Variants in CACNA1B observed in about 807,000 individuals in gnomAD.
CACNA1B encodes voltage-dependent N-type calcium channel subunit alpha-1B.
A neutral mutation model predicts 247.2 loss-of-function variants in CACNA1B; 70 were observed. The observed-to-expected ratio is 0.28, with a 90% CI of 0.23 to 0.35. CACNA1B has a LOEUF of 0.35. Ranked by LOEUF, CACNA1B falls within the 10% of genes least tolerant of loss-of-function variation. CACNA1B has a pLI of 1.00. For synonymous variants in CACNA1B, 1,231 were observed against 1,294.4 expected (o/e 0.95, Z 1.05); for missense variants, 2,367 against 3,197.4 (o/e 0.74, Z 6.26).
At chr9:138,068,612 C>G (rs529047620) in intron 31 of CACNA1B, 2 of 518,898 alleles carry the variant, frequency 3.9e-6, no homozygotes, top group Non-Finnish European at 7.7e-6. Context: ...TCCTTGGAAA[C>G]AGAAATCTTT....
chr9:138,090,113 T>C (rs1351105542), intron 36 of CACNA1B, among the ~76,000 whole-genome samples: 2 of 152,050 alleles, frequency 1.3e-5, no homozygotes, highest in South Asian at 2.1e-4. Context: ...CAAAAGACCC[T>C]GGATAGCTTA....
intron 35 of CACNA1B, among the ~76,000 whole-genome samples, chr9:138,076,402 C>T (rs1960321232): frequency 6.6e-6 from 1 of 152,196 alleles, no homozygotes; most frequent in South Asian, 2.1e-4. Context: ...GCCCAAGGAA[C>T]CCAACTGACC....
At position 138,053,937 on chromosome 9, in the gene CACNA1B, C is replaced by T; in HGVS notation, c.3899C>T (p.Ala1300Val). 6.2e-7 allele frequency: 1 copy of T among 1,613,474 alleles called. No homozygotes were observed. The highest frequency in any genetic ancestry group is 8.5e-7 in the Non-Finnish European group (1 of 1,179,396). ...TTCATGTTCATATTTGCCGTCATTG[C>T]GGTGCAGCTCTTCAAAGGGAAGTTT... ...MLFMFIFAVIAVQLFKGKFFY... is the reference protein window; with the variant it reads ...MLFMFIFAVIVVQLFKGKFFY... The change falls in exon 26 of 47, where the codon GCG becomes GTG. Residue 1300 changes from alanine (A) to valine (V), a missense_variant. By Grantham distance (64) the Ala-to-Val change is moderately conservative. Around this residue, in one of 12 missense-constraint regions of CACNA1B, gnomAD observed 436 missense variants for 679.5 expected, o/e 0.64. Coordinates refer to ENST00000371372, the MANE Select transcript of CACNA1B (RefSeq NM_000718.4).
chr9:138,111,897 C>T (rs1229824867), intron 39 of CACNA1B, among the ~76,000 whole-genome samples: 1 of 152,014 alleles, frequency 6.6e-6, no homozygotes, highest in African/African-American at 2.4e-5. Flanking sequence ...CCCTTCCCCG[C>T]TCTGCTCTCC....
At chr9:138,080,683 A>G (rs1250104699) in intron 36 of CACNA1B, among the ~76,000 whole-genome samples, 1 of 152,216 alleles carries the variant, frequency 6.6e-6, no homozygotes, top group Non-Finnish European at 1.5e-5. Context: ...GGGAAACTTA[A>G]TAGATGATGT....
At chr9:137,936,613 G>T (rs1589018219) in intron 6 of CACNA1B, among the ~76,000 whole-genome samples, 1 of 152,174 alleles carries the variant, frequency 6.6e-6, no homozygotes, top group Non-Finnish European at 1.5e-5. Flanking sequence ...ATGGTTTTAA[G>T]TCTGACATTT....
intron 10 of CACNA1B, among the ~76,000 whole-genome samples, chr9:137,964,644 A>G (rs1320275281): frequency 6.6e-6 from 1 of 152,168 alleles, no homozygotes; most frequent in Non-Finnish European, 1.5e-5. Context: ...ACATGCTCTT[A>G]TAGCCTCATA....
rs1418645176 is a variant in CACNA1B, at chr9:137,986,875, A to G, written c.1974+21A>G. ...TCCAGGTAAGGCACCTGCTCTGCAC[A>G]TTTGCGGCCTGCCCGGCTCCCGTCT... On this transcript the variant is annotated intron_variant, in intron 15 of 46. Coordinates refer to ENST00000371372, the MANE Select transcript of CACNA1B (RefSeq NM_000718.4). The surrounding 1 kb of genome is among the most constrained non-coding windows in gnomAD (Gnocchi z 6.0). 5 of 1,592,868 alleles carry G rather than the reference A, an allele frequency of 3.1e-6. No homozygotes were observed. The highest frequency in any genetic ancestry group is 1.1e-5 in the South Asian group (1 of 90,542).
At chr9:138,026,085 G>T (rs575857377) in intron 20 of CACNA1B, among the ~76,000 whole-genome samples, 1 of 152,200 alleles carries the variant, frequency 6.6e-6, no homozygotes, top group South Asian at 2.1e-4. Flanking sequence ...CGCACACACA[G>T]ACGTGTGCGT....
At chr9:138,075,101 C>T (rs1336212143) in intron 34 of CACNA1B, among the ~76,000 whole-genome samples, 2 of 152,164 alleles carry the variant, frequency 1.3e-5, no homozygotes, top group Non-Finnish European at 2.9e-5. Context: ...AAGAGGGACC[C>T]GAGTGTTAAT....
chr9:138,021,568 T>A (rs1023547368), intron 18 of CACNA1B, among the ~76,000 whole-genome samples: 1 of 152,246 alleles, frequency 6.6e-6, no homozygotes, highest in African/African-American at 2.4e-5. Context: ...GGCCTGGGCC[T>A]CTGCAGGCCG....
intron 31 of CACNA1B, among the ~76,000 whole-genome samples, chr9:138,069,361 GAAATAA>G (rs1168895836): frequency 6.6e-6 from 1 of 152,080 alleles, no homozygotes; most frequent in African/African-American, 2.4e-5. Context: ...TCTTTGCCTG[GAAATAA>G]AAATAAATAA....
At chr9:137,892,477 G>C in intron 3 of CACNA1B, 1 of 400,504 alleles carries the variant, frequency 2.5e-6, no homozygotes. Context: ...GATGTCTGCA[G>C]AATCCGCCAT....
Position 137,917,024 on chromosome 9 carries a change from G to A in CACNA1B, c.776-217G>A, listed in dbSNP as rs544794771. 3.9e-5 allele frequency among the ~76,000 whole-genome samples: 6 copies of A among 152,114 alleles called. No individual in the cohort carries two copies. Among genetic ancestry groups the A allele is most frequent in the East Asian group, 1.9e-4 (1 of 5,168 alleles). On this transcript the variant is annotated intron_variant, in intron 5 of 46. Coordinates refer to ENST00000371372, the MANE Select transcript of CACNA1B (RefSeq NM_000718.4). This position sits in a 1 kb window ranked among gnomAD's most constrained non-coding sequence, Gnocchi z 5.5. ...TTCCAGTAGGAGGGAGAGGCCAGCC[G>A]TTACTCCCTGAGTTGGTCACTCGTG...
chr9:137,909,059 C>T (rs558714465), intron 3 of CACNA1B, among the ~76,000 whole-genome samples: 8 of 139,480 alleles, frequency 5.7e-5, no homozygotes, highest in Non-Finnish European at 9.4e-5. Flanking sequence ...GGTGCAATCT[C>T]GGCTCACTGC....
rs1336263054 is a variant in CACNA1B at position 137,882,397 on chromosome 9, C to A, written c.391-347C>A. 6.6e-6 allele frequency among the ~76,000 whole-genome samples: 1 copy of A among 152,222 alleles called. No individual in the cohort carries two copies. Among genetic ancestry groups the A allele is most frequent in the Non-Finnish European group, 1.5e-5 (1 of 68,040 alleles). ...TGTTACATCACTGTCTTCCCCGAAG[C>A]AAGGCCCACTGCATGGTGCTAGCAG... On this transcript the variant is annotated intron_variant, in intron 2 of 46. Transcript: ENST00000371372. This position sits in a 1 kb window ranked among gnomAD's most constrained non-coding sequence, Gnocchi z 4.0.
chr9:138,121,466 T>C lies in CACNA1B; in HGVS notation c.6490-3T>C. 1 of 1,500,758 alleles carries C rather than the reference T, an allele frequency of 6.7e-7. No homozygotes were observed. The highest frequency in any genetic ancestry group is 1.4e-5 in the African/African-American group (1 of 71,234). The allele number at this position is 1,500,758 out of a possible 1,614,324, so 93.0% of individuals were successfully genotyped here. A position where few individuals can be genotyped will look rare whatever the true frequency, so the allele number is the denominator to read the frequency against. ...TGATTTGTTCTGGTCCATTTTCATGTAGGGCAGTGGTTCCGTGAATGGGAG... is the reference window on the plus strand; with the variant it reads ...TGATTTGTTCTGGTCCATTTTCATGCAGGGCAGTGGTTCCGTGAATGGGAG... On this transcript the variant is annotated splice_polypyrimidine_tract_variant and splice_region_variant and intron_variant, in intron 46 of 46. Coordinates refer to ENST00000371372, the MANE Select transcript of CACNA1B (RefSeq NM_000718.4). This position sits in a 1 kb window ranked among gnomAD's most constrained non-coding sequence, Gnocchi z 6.8.
intron 31 of CACNA1B, among the ~76,000 whole-genome samples, chr9:138,065,144 A>G (rs1554754406): frequency 6.6e-6 from 1 of 152,194 alleles, no homozygotes; most frequent in Non-Finnish European, 1.5e-5. Flanking sequence ...ATCCTGAGTC[A>G]TGGGAGAAAG....
rs1273055386 is a variant in CACNA1B at position 137,973,199 on chromosome 9, G to A, written c.1543+1607G>A. ...GGTGAGGCCACAGGCATCCCTGACCGTAGACCGCTACTGTGTCTTCTCTGT... is the reference window on the plus strand; with the variant it reads ...GGTGAGGCCACAGGCATCCCTGACCATAGACCGCTACTGTGTCTTCTCTGT... On this transcript the variant is annotated intron_variant, in intron 11 of 46. Transcript: ENST00000371372. This position sits in a 1 kb window ranked among gnomAD's most constrained non-coding sequence, Gnocchi z 4.1. 2.0e-5 allele frequency among the ~76,000 whole-genome samples: 3 copies of A among 152,190 alleles called. No individual in the cohort carries two copies. Among genetic ancestry groups the A allele is most frequent in the Admixed American group, 1.3e-4 (2 of 15,286 alleles).
Sources: gnomAD v4.1 joint callset for allele counts (sites outside exome capture counted in the v4.1 genomes callset) on GRCh38, gnomAD v4.1.1 for gene constraint, gnomAD v4.1.1 regional missense constraint, Gnocchi (gnomAD v3.1) non-coding constraint, MANE v1.5 for transcripts, NCBI Gene and HGNC (gene_info 2026-07-23, HGNC 2026-07-21) for gene names.